RNPC3: variants seen among roughly 807,000 people sequenced by gnomAD.
The protein encoded by RNPC3 is RNA binding region (RNP1, RRM) containing 3.
A neutral mutation model predicts 67.5 loss-of-function variants in RNPC3; 48 were observed. The observed-to-expected ratio is 0.71, with a 90% CI of 0.56 to 0.90. The LOEUF (loss-of-function observed/expected upper bound fraction) is 0.90, where lower values mean the gene tolerates loss of function less well. Among genes scored for constraint, RNPC3 ranks in the 40% least tolerant of loss-of-function variants. RNPC3 has a pLI of 0.00. For synonymous variants in RNPC3, 239 were observed against 210.3 expected (o/e 1.14, Z -1.18); for missense variants, 637 against 626.1 (o/e 1.02, Z -0.19).
intron 13 of RNPC3, 78 bp from the exon 14 acceptor site, chr1:103,551,643 C>A: frequency 7.0e-6 from 6 of 857,114 alleles, no homozygotes; most frequent in Non-Finnish European, 1.1e-5. Context: ...TCCCACCATA[C>A]ACTAGAAAGT....
rs1570627900 is a variant in RNPC3, at chr1:103,550,828, A to G, written c.1362-113A>G. 10 of 1,010,272 alleles carry G rather than the reference A, an allele frequency of 9.9e-6. No homozygotes were observed. In the East Asian group the frequency reaches 2.0e-4, roughly 20 times the overall value. 62.6% of individuals were successfully genotyped at this position (1,010,272 alleles called of 1,614,324 possible). Reference sequence around the variant, plus strand: ...AGAAAACTGAATAATTGACGTGCCTATCAAATAGTGTAGTCACTTTTATTT... The same window carrying G: ...AGAAAACTGAATAATTGACGTGCCTGTCAAATAGTGTAGTCACTTTTATTT... On this transcript the variant is annotated intron_variant, in intron 12 of 14. Coordinates refer to ENST00000423855, the MANE Select transcript of RNPC3 (RefSeq NM_017619.4).
At chr1:103,548,297 G>T (rs1190810972) in intron 12 of RNPC3, among the ~76,000 whole-genome samples, 3 of 152,006 alleles carry the variant, frequency 2.0e-5, no homozygotes, top group African/African-American at 7.2e-5. Flanking sequence ...CAAATTTTCC[G>T]AACTTTTATG....
In RNPC3 at chr1:103,547,023, C is replaced by A; in HGVS notation, c.1349C>A (p.Thr450Lys). The A allele has an allele frequency of 6.7e-7, 1 of 1,495,130 alleles. No homozygotes were observed. Among genetic ancestry groups the A allele is most frequent in the Non-Finnish European group, 9.0e-7 (1 of 1,116,186 alleles). The allele number at this position is 1,495,130 out of a possible 1,614,324, so 92.6% of individuals were successfully genotyped here. The change falls in exon 12 of 15, where the codon ACA (threonine) becomes AAA (lysine). Residue 450 changes from threonine to lysine, a missense_variant. Thr to Lys is a moderately conservative substitution (Grantham distance 78). Around this residue, in one of 3 missense-constraint regions of RNPC3, gnomAD observed 96 missense variants for 105.8 expected, o/e 0.91. Coordinates refer to ENST00000423855, the MANE Select transcript of RNPC3 (RefSeq NM_017619.4). ...FGRYVDFSSETQRIMFDIRLM... is the reference protein window; with the variant it reads ...FGRYVDFSSEKQRIMFDIRLM... ...AGATATGTTGACTTTTCATCAGAAA[C>A]ACAGCGGATCATGTAAGTGACAGTA...
intron 2 of RNPC3, among the ~76,000 whole-genome samples, chr1:103,529,534 G>A (rs1169242426): frequency 2.0e-5 from 3 of 152,092 alleles, no homozygotes; most frequent in African/African-American, 4.8e-5. Flanking sequence ...GTAAGTAGCC[G>A]AGTCAGGTAG....
At position 103,541,475 on chromosome 1, in the gene RNPC3, G is replaced by A; in HGVS notation, c.893G>A (p.Ser298Asn). The A allele has an allele frequency of 6.7e-7, 1 of 1,485,734 alleles. No homozygotes were observed. 92.0% of individuals were successfully genotyped at this position (1,485,734 alleles called of 1,614,324 possible). Reference sequence around the variant, plus strand: ...AATACACCTTTGTGTCCTTCACACAGGTAATTTTATTTGAACTAAGAAATG... The same window carrying A: ...AATACACCTTTGTGTCCTTCACACAAGTAATTTTATTTGAACTAAGAAATG... ...MLNTPLCPSH[S>N]SLHPVLLPSD... Residue 298 changes from serine (S) to asparagine (N), a missense_variant and splice_region_variant, in exon 8 of 15, where the codon AGC (serine) becomes AAC (asparagine). By Grantham distance (46) the Ser-to-Asn change is conservative. This residue lies in a region of RNPC3 where 536 missense variants were observed against 500.3 expected (regional missense o/e 1.07). Transcript: ENST00000423855.
chr1:103,532,703 A>G (rs1650887671), intron 2 of RNPC3, among the ~76,000 whole-genome samples: 1 of 152,052 alleles, frequency 6.6e-6, no homozygotes, highest in Non-Finnish European at 1.5e-5. Context: ...CTAAGAATGT[A>G]TGAAGTCTTG....
At position 103,546,240 on chromosome 1, in the gene RNPC3, T is replaced by G. The variant is rs1230247703; in HGVS notation, c.1208-8T>G. On this transcript the variant is annotated splice_polypyrimidine_tract_variant and splice_region_variant and intron_variant, in intron 10 of 14. Coordinates refer to ENST00000423855, the MANE Select transcript of RNPC3 (RefSeq NM_017619.4). ...ATTTTATATCTTTGTTTTTTGTTTT[T>G]TAATAAGAAATGGAAACACTTTCAG... is the stretch of plus-strand genomic sequence containing the variant. 2 of 1,282,848 alleles carry G rather than the reference T, an allele frequency of 1.6e-6. No homozygotes were observed. Among genetic ancestry groups the G allele is most frequent in the East Asian group, 5.8e-5 (2 of 34,696 alleles). The allele number at this position is 1,282,848 out of a possible 1,614,324, so 79.5% of individuals were successfully genotyped here.
At chr1:103,528,490 A>G (rs1448008802) in intron 2 of RNPC3, among the ~76,000 whole-genome samples, 2 of 152,142 alleles carry the variant, frequency 1.3e-5, no homozygotes, top group African/African-American at 4.8e-5. Context: ...TTCAATAGAG[A>G]TTGAGTTTGT....
chr1:103,536,032 T>A, intron 5 of RNPC3, 94 bp from the exon 6 acceptor site: 2 of 909,242 alleles, frequency 2.2e-6, no homozygotes, highest in Non-Finnish European at 3.4e-6. Context: ...TTACACTCAA[T>A]AAATAGTGTT....
chr1:103,551,887 T>A, intron 14 of RNPC3, 95 bp downstream of exon 14: 2 of 401,942 alleles, frequency 5.0e-6, no homozygotes, highest in Non-Finnish European at 8.5e-6. Context: ...AGGTATCTCT[T>A]TTTTTTTTTT....
At chr1:103,542,885 T>G (rs1570622863) in intron 8 of RNPC3, among the ~76,000 whole-genome samples, 1 of 151,880 alleles carries the variant, frequency 6.6e-6, no homozygotes, top group African/African-American at 2.4e-5. Flanking sequence ...CTTTTCATGG[T>G]TTTAATGTGA....
chr1:103,530,026 G>C (rs1036086506), intron 2 of RNPC3, among the ~76,000 whole-genome samples: 1 of 151,910 alleles, frequency 6.6e-6, no homozygotes, highest in Non-Finnish European at 1.5e-5. Context: ...GATCCGAGAT[G>C]AATCAGTTTC....
intron 9 of RNPC3, among the ~76,000 whole-genome samples, chr1:103,544,621 A>G (rs1027020750): frequency 1.4e-4 from 21 of 151,912 alleles, no homozygotes; most frequent in African/African-American, 4.6e-4. Flanking sequence ...AACTGTGACT[A>G]GTTTTAATTC....
chr1:103,552,072 A>T (rs1651404732), intron 14 of RNPC3: 1 of 217,298 alleles, frequency 4.6e-6, no homozygotes. Context: ...TGGTTCTTAA[A>T]CCCTAATATG....
chr1:103,550,176 A>C (rs1279762985), intron 12 of RNPC3, among the ~76,000 whole-genome samples: 3 of 151,826 alleles, frequency 2.0e-5, no homozygotes, highest in East Asian at 1.9e-4. Flanking sequence ...AAATAATAAT[A>C]ATCATAATAA....
At chr1:103,536,785 CT>C (rs1450208988) in intron 6 of RNPC3, among the ~76,000 whole-genome samples, 1 of 143,440 alleles carries the variant, frequency 7.0e-6, no homozygotes, top group Admixed American at 6.9e-5. Context: ...TTTTTTTTTT[CT>C]TTTTGTAACC....
rs1277319319 is a variant in RNPC3 at position 103,543,289 on chromosome 1, T to A, written c.894-7T>A. The A allele has an allele frequency of 7.1e-7, 1 of 1,403,302 alleles. No individual in the cohort carries two copies. Among genetic ancestry groups the A allele is most frequent in the African/African-American group, 1.5e-5 (1 of 66,694 alleles). The allele number at this position is 1,403,302 out of a possible 1,614,324, so 86.9% of individuals were successfully genotyped here. A position where few individuals can be genotyped will look rare whatever the true frequency, so the allele number is the denominator to read the frequency against. ...TACAAACTAATGCTATGATTGTTTT[T>A]AAATAGCAGTTTACATCCAGTGCTG... On this transcript the variant is annotated splice_polypyrimidine_tract_variant and splice_region_variant and intron_variant, in intron 8 of 14. Transcript: ENST00000423855.
intron 1 of RNPC3, among the ~76,000 whole-genome samples, chr1:103,526,852 T>C (rs1161689712): frequency 6.6e-6 from 1 of 152,224 alleles, no homozygotes; most frequent in East Asian, 1.9e-4. Context: ...TATCCAAAGA[T>C]ATTTTAGATT....
intron 10 of RNPC3, chr1:103,545,843 A>G (rs1651229105): frequency 6.6e-6 from 1 of 152,364 alleles, no homozygotes; most frequent in Non-Finnish European, 1.5e-5. Context: ...CAAATCAATT[A>G]ACATATATAC....
Sources: gnomAD v4.1 joint callset for allele counts (sites outside exome capture counted in the v4.1 genomes callset) on GRCh38, gnomAD v4.1.1 for gene constraint, gnomAD v4.1.1 regional missense constraint, MANE v1.5 for transcripts, NCBI Gene and HGNC (gene_info 2026-07-23, HGNC 2026-07-21) for gene names.